The following GAS7 variants were observed in gnomAD, a reference collection of about 807,000 sequenced individuals.
GAS7 encodes the protein growth arrest-specific protein 7.
GAS7 carries 28 observed loss-of-function variants against 71.1 expected under a neutral mutation model. The observed-to-expected ratio is 0.39, with a 90% confidence interval of 0.29 to 0.54. The LOEUF is 0.54. GAS7 is among the 20% of genes least tolerant of loss of function. GAS7 has a pLI of 0.62. For missense variants in GAS7, 436 were observed against 627.8 expected, an observed-to-expected ratio of 0.69 and a Z score of 3.27; for synonymous variants, 258 against 245.8, an observed-to-expected ratio of 1.05 and a Z score of -0.46.
Position 9,959,543 on chromosome 17 carries a change from G to T in GAS7, c.472-288C>A. The T allele has an allele frequency of 9.7e-7, 1 of 1,035,592 alleles. No homozygotes were observed. The highest frequency in any genetic ancestry group is 1.3e-6 in the Non-Finnish European group (1 of 775,344). 64.2% of individuals were successfully genotyped at this position (1,035,592 alleles called of 1,614,324 possible). A position where few individuals can be genotyped will look rare whatever the true frequency, so the allele number is the denominator to read the frequency against. ...CTCTTCTCTCAGTCTGTGATTTGGG[G>T]AGTTAACCCCTCCGCTGCCCTCTGC... On this transcript the variant is annotated intron_variant, in intron 4 of 13. Transcript: ENST00000432992. The surrounding 1 kb of genome is among the most constrained non-coding windows in gnomAD (Gnocchi z 5.0).
rs533103041 is a variant in GAS7, at chr17:10,017,521, G to A, written c.304+2256C>T. Among the ~76,000 whole-genome samples the A allele has an allele frequency of 1.1e-3, 166 of 152,162 alleles. 1 individual carries two copies. Among genetic ancestry groups the A allele is most frequent in the Admixed American group, 1.2e-3 (19 of 15,284 alleles). On this transcript the variant is annotated intron_variant, in intron 2 of 13. Coordinates refer to ENST00000432992, the MANE Select transcript of GAS7 (RefSeq NM_201433.2). ...TTTTGATATTTTTAGTAGAGACGGG[G>A]TTTCACCATGTTGGTCAGGCTTGTC...
intron 1 of GAS7, among the ~76,000 whole-genome samples, chr17:10,095,137 A>G (rs1163341512): frequency 1.3e-5 from 2 of 152,202 alleles, no homozygotes; most frequent in Admixed American, 6.5e-5. Context: ...CCCTCCTTAC[A>G]GGGCTCTTAT....
chr17:9,952,455 G>T (rs1329720461), intron 5 of GAS7, among the ~76,000 whole-genome samples: 1 of 151,992 alleles, frequency 6.6e-6, no homozygotes, highest in Non-Finnish European at 1.5e-5. Context: ...GCAATGGCAT[G>T]ATCTCAGCTC....
chr17:10,041,655 T>C (rs759302455), intron 1 of GAS7, among the ~76,000 whole-genome samples: 1 of 152,240 alleles, frequency 6.6e-6, no homozygotes, highest in Non-Finnish European at 1.5e-5. Context: ...CATCCTAGCA[T>C]CTCAATCCAG....
chr17:10,172,611 T>C (rs2074343576), intron 1 of GAS7, among the ~76,000 whole-genome samples: 1 of 152,260 alleles, frequency 6.6e-6, no homozygotes, highest in Admixed American at 6.5e-5. Context: ...CATCTGACTT[T>C]ATAGCTTAGG....
At chr17:9,922,724 T>C (rs11651412) in intron 11 of GAS7, among the ~76,000 whole-genome samples, 15,785 of 152,218 alleles carry the variant, frequency 0.1, 1,103 homozygotes, top group Non-Finnish European at 0.15. Flanking sequence ...TGTAAACATA[T>C]AAAGATTTTC....
At chr17:10,126,622 T>A (rs1312437726) in intron 1 of GAS7, among the ~76,000 whole-genome samples, 7 of 151,376 alleles carry the variant, frequency 4.6e-5, no homozygotes, top group Admixed American at 1.3e-4. Context: ...GCAGACACAC[T>A]CACACACTCG....
chr17:10,022,689 T>C (rs1247102760), intron 1 of GAS7, among the ~76,000 whole-genome samples: 1 of 152,214 alleles, frequency 6.6e-6, no homozygotes, highest in African/African-American at 2.4e-5. Flanking sequence ...GCGCCTGTCC[T>C]GAGGGATGCG....
chr17:10,044,030 G>T lies in GAS7; in HGVS notation c.184-24133C>A, dbSNP rs142834074. ...AGTTTACATCATCTGTTTAAAAGAT[G>T]AAACCTTTGAAATGGTGGCAGCAGC... On this transcript the variant is annotated intron_variant, in intron 1 of 13. Transcript: ENST00000432992. 2.0e-3 allele frequency among the ~76,000 whole-genome samples: 299 copies of T among 152,348 alleles called. 1 individual carries two copies. The highest frequency in any genetic ancestry group is 6.9e-3 in the African/African-American group (289 of 41,590).
intron 1 of GAS7, among the ~76,000 whole-genome samples, chr17:10,063,783 C>A (rs2073245982): frequency 1.3e-5 from 2 of 152,220 alleles, no homozygotes; most frequent in African/African-American, 2.4e-5. Context: ...TCTAGTATGG[C>A]TCCACCCTGG....
intron 1 of GAS7, among the ~76,000 whole-genome samples, chr17:10,097,791 C>A (rs2073657650): frequency 6.6e-6 from 1 of 152,098 alleles, no homozygotes; most frequent in Non-Finnish European, 1.5e-5. Context: ...CCCCTGTAAT[C>A]CCAGCACTTT....
At chr17:9,976,618 C>A (rs1567845778) in intron 3 of GAS7, among the ~76,000 whole-genome samples, 2 of 152,134 alleles carry the variant, frequency 1.3e-5, no homozygotes, top group Non-Finnish European at 2.9e-5. Context: ...GTCCTCCTTG[C>A]CCTTCAGCCT....
At chr17:10,022,283 G>T in intron 1 of GAS7, among the ~76,000 whole-genome samples, 1 of 152,120 alleles carries the variant, frequency 6.6e-6, no homozygotes, top group East Asian at 1.9e-4. Context: ...TACAACTACA[G>T]GCATGAGTGT....
At chr17:10,024,463 C>T (rs569881793) in intron 1 of GAS7, among the ~76,000 whole-genome samples, 1 of 152,196 alleles carries the variant, frequency 6.6e-6, no homozygotes, top group African/African-American at 2.4e-5. Context: ...AGAGGTGACA[C>T]AGGCCCGGGG....
At chr17:10,068,278 C>T (rs888642119) in intron 1 of GAS7, among the ~76,000 whole-genome samples, 3 of 152,170 alleles carry the variant, frequency 2.0e-5, no homozygotes, top group East Asian at 2.0e-4. Context: ...AGAACTTCTG[C>T]GGAACCTTTG....
intron 5 of GAS7, among the ~76,000 whole-genome samples, chr17:9,955,591 C>T (rs898529347): frequency 4.6e-5 from 7 of 152,136 alleles, no homozygotes; most frequent in African/African-American, 1.7e-4. Flanking sequence ...ATAGGTGGAC[C>T]CAGGCTCTGA....
At chr17:10,006,760 C>G (rs1037628508) in intron 2 of GAS7, among the ~76,000 whole-genome samples, 2 of 152,100 alleles carry the variant, frequency 1.3e-5, no homozygotes, top group African/African-American at 2.4e-5. Context: ...ATTATAAGAC[C>G]TGCCATTACA....
chr17:10,118,284 G>C (rs114256370), intron 1 of GAS7, among the ~76,000 whole-genome samples: 499 of 152,282 alleles, frequency 3.3e-3, no homozygotes, highest in African/African-American at 0.011. Context: ...GAAGTCATGG[G>C]AGCACAGCTG....
At chr17:9,986,369 T>C (rs1217152356) in intron 2 of GAS7, among the ~76,000 whole-genome samples, 1 of 152,214 alleles carries the variant, frequency 6.6e-6, no homozygotes, top group African/African-American at 2.4e-5. Context: ...ATTCATGCAC[T>C]GACTACTCCT....
Sources: gnomAD v4.1 joint callset for allele counts (sites outside exome capture counted in the v4.1 genomes callset) on GRCh38, gnomAD v4.1.1 for gene constraint, Gnocchi (gnomAD v3.1) non-coding constraint, MANE v1.5 for transcripts, NCBI Gene and HGNC (gene_info 2026-07-23, HGNC 2026-07-21) for gene names.